The following PDCD1LG2 variants were observed in gnomAD, a reference collection of about 807,000 sequenced individuals.
PDCD1LG2 encodes programmed cell death 1 ligand 2.
A neutral mutation model predicts 28.2 loss-of-function variants in PDCD1LG2; 32 were observed. That is an observed-to-expected ratio of 1.13 (90% CI 0.86 to 1.52). The LOEUF (loss-of-function observed/expected upper bound fraction) is 1.52. Ranked by LOEUF, PDCD1LG2 falls within the 40% of genes most tolerant of loss-of-function variation. The pLI is 0.00. For synonymous variants in PDCD1LG2, 116 were observed against 120.2 expected, an observed-to-expected ratio of 0.97 and a Z score of 0.23; for missense variants, 385 against 323.8, an observed-to-expected ratio of 1.19 and a Z score of -1.45.
chr9:5,514,609 C>T (rs894687467), intron 1 of PDCD1LG2, among the ~76,000 whole-genome samples: 1 of 151,792 alleles, frequency 6.6e-6, no homozygotes, highest in South Asian at 2.1e-4. Flanking sequence ...GGCAAGGTAG[C>T]CCACAACTAT....
At chr9:5,512,635 C>A (rs754752524) in intron 1 of PDCD1LG2, among the ~76,000 whole-genome samples, 6 of 152,178 alleles carry the variant, frequency 3.9e-5, no homozygotes, top group Non-Finnish European at 8.8e-5. Flanking sequence ...ATTCATTCCT[C>A]AATATTAACT....
chr9:5,561,372 G>A (rs931341206), intron 5 of PDCD1LG2, among the ~76,000 whole-genome samples: 1 of 152,182 alleles, frequency 6.6e-6, no homozygotes, highest in South Asian at 2.1e-4. Context: ...CTTGTGGCAA[G>A]GAGAAGTGTC....
chr9:5,543,147 A>G (rs543897884), intron 3 of PDCD1LG2, among the ~76,000 whole-genome samples: 7 of 152,344 alleles, frequency 4.6e-5, no homozygotes, highest in Admixed American at 1.3e-4. Flanking sequence ...GCTCTCACTC[A>G]TAAGTGCGAG....
chr9:5,530,302 C>G (rs1250010150), intron 2 of PDCD1LG2, among the ~76,000 whole-genome samples: 4 of 152,064 alleles, frequency 2.6e-5, no homozygotes, highest in Non-Finnish European at 5.9e-5. Context: ...TAGTTAAGGG[C>G]CCCACATGAA....
At chr9:5,510,876 G>A (rs576301649) in intron 1 of PDCD1LG2, 73 bp downstream of exon 1, 1 of 152,612 alleles carries the variant, frequency 6.6e-6, no homozygotes, top group Non-Finnish European at 1.5e-5. Flanking sequence ...CAGGGTGGGG[G>A]AAGGGTGGCC....
At chr9:5,532,801 C>T (rs1820507641) in intron 2 of PDCD1LG2, among the ~76,000 whole-genome samples, 1 of 152,206 alleles carries the variant, frequency 6.6e-6, no homozygotes, top group Non-Finnish European at 1.5e-5. Flanking sequence ...AGAATTAAAA[C>T]ATGGTACGAA....
chr9:5,514,772 G>GAAAAAAAAAAAA (rs60002651), intron 1 of PDCD1LG2, among the ~76,000 whole-genome samples: 10 of 62,334 alleles, frequency 1.6e-4, no homozygotes, highest in East Asian at 4.8e-4. Flanking sequence ...AGTCTCTAAA[G>GAAAAAAAAAAAA]AAAAAAAAAA....
rs960409861 is a variant in PDCD1LG2, at chr9:5,570,677, T to A, written c.*718T>A. Reference sequence around the variant, plus strand: ...TTGAACTACATCTTTCCTTTAAAAATTATTGGTTTCTTTTTATTTGTTTTT... The same window carrying A: ...TTGAACTACATCTTTCCTTTAAAAAATATTGGTTTCTTTTTATTTGTTTTT... On this transcript the variant is annotated 3_prime_UTR_variant, in exon 7 of 7. Transcript: ENST00000397747. 7.8e-5 allele frequency: 18 copies of A among 231,890 alleles called. No individual in the cohort carries two copies. 14.4% of individuals were successfully genotyped at this position (231,890 alleles called of 1,614,324 possible).
chr9:5,526,356 A>G (rs985706901), intron 2 of PDCD1LG2, among the ~76,000 whole-genome samples: 4 of 152,202 alleles, frequency 2.6e-5, no homozygotes, highest in African/African-American at 9.6e-5. Flanking sequence ...AATGCTTCAC[A>G]TACCCTAGCC....
chr9:5,556,969 C>T (rs749081917), intron 4 of PDCD1LG2, among the ~76,000 whole-genome samples: 15 of 152,310 alleles, frequency 9.8e-5, no homozygotes, highest in Non-Finnish European at 2.2e-4. Flanking sequence ...CGTTGAAAAA[C>T]CGAAACAAGG....
intron 3 of PDCD1LG2, among the ~76,000 whole-genome samples, chr9:5,538,836 T>C (rs1386492356): frequency 6.6e-6 from 1 of 152,202 alleles, no homozygotes; most frequent in Non-Finnish European, 1.5e-5. Flanking sequence ...TGTGAATGTA[T>C]TTTATCTTTT....
intron 2 of PDCD1LG2, among the ~76,000 whole-genome samples, chr9:5,531,068 T>C (rs60662921): frequency 0.024 from 3,704 of 152,338 alleles, 163 homozygotes; most frequent in African/African-American, 0.083. Flanking sequence ...AGAAAATCTT[T>C]AATGATGCTG....
intron 5 of PDCD1LG2, among the ~76,000 whole-genome samples, chr9:5,558,927 A>G (rs181742929): frequency 7.9e-5 from 12 of 152,350 alleles, no homozygotes; most frequent in African/African-American, 2.6e-4. Context: ...TATGTCCAAC[A>G]GAACTTCGAC....
intron 2 of PDCD1LG2, among the ~76,000 whole-genome samples, chr9:5,525,325 A>G (rs1164784781): frequency 2.7e-5 from 4 of 149,232 alleles, no homozygotes; most frequent in Non-Finnish European, 5.9e-5. Flanking sequence ...AGCCTGGGTG[A>G]CAGAGTGAGA....
Position 5,522,576 on chromosome 9 carries a change from G to A in PDCD1LG2, c.30G>A (p.Leu10=), listed in dbSNP as rs2129726174. The A allele has an allele frequency of 1.2e-6, 2 of 1,608,790 alleles. No individual in the cohort carries two copies. The highest frequency in any genetic ancestry group is 1.7e-6 in the Non-Finnish European group (2 of 1,176,722). The change falls in exon 2 of 7, where the codon CTG becomes CTA. Residue 10 remains leucine (L), a synonymous_variant. Coordinates refer to ENST00000397747, the MANE Select transcript of PDCD1LG2 (RefSeq NM_025239.4). ...TCTTCCTCCTGCTAATGTTGAGCCT[G>A]GAATTGCAGCTTCACCAGATAGCAG... MIFLLLMLS[L]ELQLHQIAAL...
chr9:5,529,771 G>A (rs778825270), intron 2 of PDCD1LG2, among the ~76,000 whole-genome samples: 55 of 152,054 alleles, frequency 3.6e-4, no homozygotes, highest in Non-Finnish European at 6.3e-4. Context: ...ACTCCACTTC[G>A]CCTATCTTTA....
chr9:5,536,783 AG>A (rs897094844), intron 3 of PDCD1LG2, among the ~76,000 whole-genome samples: 25 of 152,178 alleles, frequency 1.6e-4, no homozygotes, highest in African/African-American at 6.0e-4. Flanking sequence ...AGACTTTTCA[AG>A]GGATGTATGG....
intron 3 of PDCD1LG2, among the ~76,000 whole-genome samples, chr9:5,540,763 T>C (rs1325744929): frequency 1.3e-5 from 2 of 152,146 alleles, no homozygotes; most frequent in East Asian, 1.9e-4. Flanking sequence ...GACAGATTCA[T>C]AGCTGAATTC....
intron 6 of PDCD1LG2, among the ~76,000 whole-genome samples, chr9:5,564,067 A>G (rs904098311): frequency 6.6e-6 from 1 of 152,208 alleles, no homozygotes; most frequent in African/African-American, 2.4e-5. Flanking sequence ...CCAAGAGATG[A>G]GGGGGGCAGT....
Sources: gnomAD v4.1 joint callset for allele counts (sites outside exome capture counted in the v4.1 genomes callset) on GRCh38, gnomAD v4.1.1 for gene constraint, MANE v1.5 for transcripts, NCBI Gene and HGNC (gene_info 2026-07-23, HGNC 2026-07-21) for gene names.